Variants in CLCN1 observed in about 807,000 individuals in gnomAD.
CLCN1 encodes chloride channel protein 1.
CLCN1 carries 100 observed loss-of-function variants against 114.5 expected under a neutral mutation model. The ratio of observed to expected loss-of-function variants is 0.87; its 90% CI spans 0.74 to 1.03. The LOEUF (loss-of-function observed/expected upper bound fraction) is 1.03, where lower values mean the gene tolerates loss of function less well. Ranked by LOEUF, CLCN1 falls within the 50% of genes least tolerant of loss-of-function variation. CLCN1 has a pLI of 0.00. For synonymous variants in CLCN1, 485 were observed against 487.1 expected (o/e 1.00, Z 0.06); for missense variants, 1,188 against 1,250.0 (o/e 0.95, Z 0.75).
At chr7:143,327,300 T>C (rs1406704376) in intron 7 of CLCN1, among the ~76,000 whole-genome samples, 1 of 151,704 alleles carries the variant, frequency 6.6e-6, no homozygotes, top group Non-Finnish European at 1.5e-5. Context: ...TGACACACAT[T>C]GGGAATATCC....
Position 143,331,325 on chromosome 7 carries a change from G to A in CLCN1, c.1064+9G>A. 6.3e-7 allele frequency: 1 copy of A among 1,585,218 alleles called. No homozygotes were observed. The highest frequency in any genetic ancestry group is 8.7e-7 in the Non-Finnish European group (1 of 1,153,750). Reference sequence around the variant, plus strand: ...GCTTTTGCTGCCATCGGGTCAGTGGGGTTACCTGCTCTGTGTGTGGTGAGC... The same window carrying A: ...GCTTTTGCTGCCATCGGGTCAGTGGAGTTACCTGCTCTGTGTGTGGTGAGC... On this transcript the variant is annotated intron_variant, in intron 9 of 22. Coordinates refer to ENST00000343257, the MANE Select transcript of CLCN1 (RefSeq NM_000083.3).
At position 143,339,684 on chromosome 7, in the gene CLCN1, C is replaced by T. The variant is rs2116865480; in HGVS notation, c.1582+63C>T. On this transcript the variant is annotated intron_variant, in intron 14 of 22. Coordinates refer to ENST00000343257, the MANE Select transcript of CLCN1 (RefSeq NM_000083.3). This position sits in a 1 kb window ranked among gnomAD's most constrained non-coding sequence, Gnocchi z 4.1. ...AGTACTTCAGATCCCCACACTTAAACTCTCCCATTGGATCTTCATTCTAGG... is the reference window on the plus strand; with the variant it reads ...AGTACTTCAGATCCCCACACTTAAATTCTCCCATTGGATCTTCATTCTAGG... 9.9e-7 allele frequency: 1 copy of T among 1,008,392 alleles called. No individual in the cohort carries two copies. The allele number at this position is 1,008,392 out of a possible 1,614,324, so 62.5% of individuals were successfully genotyped here. A position where few individuals can be genotyped will look rare whatever the true frequency, so the allele number is the denominator to read the frequency against.
At position 143,342,366 on chromosome 7, in the gene CLCN1, C is replaced by G. The variant is rs1174049935; in HGVS notation, c.1797-6C>G. On this transcript the variant is annotated splice_polypyrimidine_tract_variant and splice_region_variant and intron_variant, in intron 15 of 22. Coordinates refer to ENST00000343257, the MANE Select transcript of CLCN1 (RefSeq NM_000083.3). ...GGCTAACCCACCATGCTTTCTCCCT[C>G]CATAGCAAATATACCATCTTTGTTG... is the stretch of plus-strand genomic sequence containing the variant. The G allele has an allele frequency of 6.2e-7, 1 of 1,614,018 alleles. No individual in the cohort carries two copies. Among genetic ancestry groups the G allele is most frequent in the Non-Finnish European group, 8.5e-7 (1 of 1,180,016 alleles).
At chr7:143,337,843 T>A (rs11763950) in intron 12 of CLCN1, among the ~76,000 whole-genome samples, 3 of 96,942 alleles carry the variant, frequency 3.1e-5, no homozygotes, top group East Asian at 6.8e-4. Context: ...TTTTTTTTTT[T>A]TGCGACAGAG....
intron 16 of CLCN1, 142 bp downstream of exon 16, chr7:143,342,647 A>G: frequency 1.2e-6 from 1 of 832,792 alleles, no homozygotes; most frequent in Non-Finnish European, 2.0e-6. Context: ...ATTAAGCCAT[A>G]ACACAAGCAC....
intron 14 of CLCN1, among the ~76,000 whole-genome samples, chr7:143,341,570 AT>A (rs1803074460): frequency 2.8e-5 from 1 of 35,430 alleles, no homozygotes; most frequent in African/African-American, 1.9e-4. Flanking sequence ...AATAATAATA[AT>A]TAATAATAAT....
chr7:143,330,675 A>G, intron 7 of CLCN1, 97 bp from the exon 8 acceptor site: 1 of 1,523,752 alleles, frequency 6.6e-7, no homozygotes, highest in Non-Finnish European at 9.1e-7. Context: ...ACCCAGATTC[A>G]TGTTTCAGCA....
chr7:143,346,551 A>T (rs759665750), intron 18 of CLCN1, 28 bp from the exon 19 acceptor site: 2 of 1,571,656 alleles, frequency 1.3e-6, no homozygotes, highest in Middle Eastern at 1.7e-4. Context: ...CTTTGTGTCC[A>T]TTTCCATCCA....
chr7:143,336,578 G>C (rs1443018240), intron 12 of CLCN1, among the ~76,000 whole-genome samples: 3 of 126,566 alleles, frequency 2.4e-5, no homozygotes, highest in Non-Finnish European at 3.1e-5. Context: ...TTGCACTCCA[G>C]CCTGGGTGAC....
intron 7 of CLCN1, among the ~76,000 whole-genome samples, chr7:143,326,687 G>T (rs1802583803): frequency 6.6e-6 from 1 of 152,178 alleles, no homozygotes; most frequent in Non-Finnish European, 1.5e-5. Flanking sequence ...TCTGGACAGA[G>T]GAAACAGCAT....
Position 143,350,035 on chromosome 7 carries a change from G to A in CLCN1, c.2404-337G>A, listed in dbSNP as rs948932005. On this transcript the variant is annotated intron_variant, in intron 20 of 22. Coordinates refer to ENST00000343257, the MANE Select transcript of CLCN1 (RefSeq NM_000083.3). This position sits in a 1 kb window ranked among gnomAD's most constrained non-coding sequence, Gnocchi z 5.1. The stretch of plus-strand genomic sequence containing the variant: ...CAGTCTGGTTTGATTGGAGCCCCAC[G>A]TCTTATAGTAGTAGTGGAAAATAGA... Among the ~76,000 whole-genome samples the A allele has an allele frequency of 2.0e-5, 3 of 152,138 alleles. No individual in the cohort carries two copies. The highest frequency in any genetic ancestry group is 7.2e-5 in the African/African-American group (3 of 41,434).
chr7:143,342,472 A>G lies in CLCN1; in HGVS notation c.1897A>G (p.Thr633Ala). The change falls in exon 16 of 23, where the codon ACA becomes GCA. Residue 633 changes from threonine to alanine, a missense_variant. Coordinates refer to ENST00000343257, the MANE Select transcript of CLCN1 (RefSeq NM_000083.3). ...GTTGCGAACCCTGCTCCAGACCACCACAGTCAAGACTTTACCACTGGTTGA... is the reference window on the plus strand; with the variant it reads ...GTTGCGAACCCTGCTCCAGACCACCGCAGTCAAGACTTTACCACTGGTTGA... The part of the protein sequence containing the change: ...GELRTLLQTT[T>A]VKTLPLVDSK... 1 of 1,614,138 alleles carries G rather than the reference A, an allele frequency of 6.2e-7. No homozygotes were observed. The highest frequency in any genetic ancestry group is 8.5e-7 in the Non-Finnish European group (1 of 1,180,028).
In CLCN1 at chr7:143,330,845, C is replaced by T; in HGVS notation, c.927C>T (p.Ala309=). 1 of 1,614,190 alleles carries T rather than the reference C, an allele frequency of 6.2e-7. No individual in the cohort carries two copies. Among genetic ancestry groups the T allele is most frequent in the Non-Finnish European group, 8.5e-7 (1 of 1,180,040 alleles). Residue 309 remains alanine (A), a synonymous_variant, in exon 8 of 23, where the codon GCC becomes GCT. Coordinates refer to ENST00000343257, the MANE Select transcript of CLCN1 (RefSeq NM_000083.3). The stretch of plus-strand genomic sequence containing the variant: ...ACTACTGGAGAGGATTCTTTGCAGC[C>T]ACGTTCAGCGCCTTTGTGTTTCGAG... ...VRNYWRGFFA[A]TFSAFVFRVL... is the part of the protein sequence containing the mutation.
At position 143,352,071 on chromosome 7, in the gene CLCN1, G is replaced by A. The variant is rs919526217; in HGVS notation, c.*106G>A. 1.3e-5 allele frequency: 19 copies of A among 1,426,548 alleles called. No individual in the cohort carries two copies. The highest frequency in any genetic ancestry group is 4.2e-5 in the African/African-American group (3 of 70,890). 88.4% of individuals were successfully genotyped at this position (1,426,548 alleles called of 1,614,324 possible). ...AATGTGGCGAGGTCATGCCAATGTC[G>A]TGGCCTCTTCCAGGAATTTTTTAAT... On this transcript the variant is annotated 3_prime_UTR_variant, in exon 23 of 23. Transcript: ENST00000343257.
rs369579634 is a variant in CLCN1, at chr7:143,319,769, C to T, written c.195C>T (p.His65=). ...NVHPTQIYGH[H]KEQFSDREQD... is the part of the protein sequence containing the mutation. Reference sequence around the variant, plus strand: ...TCTCTGTCCAGATTTATGGCCATCACAAAGAACAATTCTCAGACAGGGAGC... The same window carrying T: ...TCTCTGTCCAGATTTATGGCCATCATAAAGAACAATTCTCAGACAGGGAGC... The change falls in exon 2 of 23, where the codon CAC becomes CAT. Residue 65 remains histidine, a synonymous_variant. Transcript: ENST00000343257. The T allele has an allele frequency of 3.7e-6, 6 of 1,613,808 alleles. No individual in the cohort carries two copies. The highest frequency in any genetic ancestry group is 5.1e-6 in the Non-Finnish European group (6 of 1,179,842).
In CLCN1 at chr7:143,332,406, G is replaced by A. The variant is rs771709105; in HGVS notation, c.1167-13G>A. 1.1e-5 allele frequency: 17 copies of A among 1,610,056 alleles called. No individual in the cohort carries two copies. Among genetic ancestry groups the A allele is most frequent in the Non-Finnish European group, 9.4e-6 (11 of 1,176,298 alleles). On this transcript the variant is annotated splice_polypyrimidine_tract_variant and intron_variant, in intron 10 of 22. Transcript: ENST00000343257. ...TGGCTGAATTGTGGCGGTTAACTCTGTTTCTTTTTCAGCCGCCTGCTGTAT... is the reference window on the plus strand; with the variant it reads ...TGGCTGAATTGTGGCGGTTAACTCTATTTCTTTTTCAGCCGCCTGCTGTAT...
In CLCN1 at chr7:143,323,362, G is replaced by T. The variant is rs754934082; in HGVS notation, c.750G>T (p.Met250Ile). ...SICAAVLSKF[M>I]SVFCGVYEQP... Reference sequence around the variant, plus strand: ...GTGCTGCTGTCCTCAGCAAATTCATGTCTGTGTTCTGCGGGGTATATGAGG... The same window carrying T: ...GTGCTGCTGTCCTCAGCAAATTCATTTCTGTGTTCTGCGGGGTATATGAGG... The change falls in exon 6 of 23, where the codon ATG becomes ATT. Residue 250 changes from methionine (M) to isoleucine (I), a missense_variant. Coordinates refer to ENST00000343257, the MANE Select transcript of CLCN1 (RefSeq NM_000083.3). The T allele has an allele frequency of 2.4e-5, 39 of 1,613,544 alleles. No homozygotes were observed. The South Asian group carries it at 4.1e-4, about 17-fold the overall frequency.
chr7:143,336,315 A>G (rs1802887599), intron 12 of CLCN1, among the ~76,000 whole-genome samples: 1 of 144,272 alleles, frequency 6.9e-6, no homozygotes. Flanking sequence ...GTAGTTCTGT[A>G]GGTCTAGATC....
chr7:143,330,906 G>A lies in CLCN1; in HGVS notation c.979+9G>A, dbSNP rs1429891413. ...GTGGAACAAGGATGCTGGTAACCAA[G>A]GAGGCCTTGGGTGGAGGCCATGTGA... is the stretch of plus-strand genomic sequence containing the variant. On this transcript the variant is annotated intron_variant, in intron 8 of 22. Transcript: ENST00000343257. 1.9e-6 allele frequency: 3 copies of A among 1,614,078 alleles called. No homozygotes were observed. Among genetic ancestry groups the A allele is most frequent in the East Asian group, 2.2e-5 (1 of 44,894 alleles).
Sources: allele counts gnomAD v4.1 joint callset (sites outside exome capture counted in the v4.1 genomes callset), GRCh38; gene constraint gnomAD v4.1.1; non-coding constraint Gnocchi (gnomAD v3.1); transcripts MANE v1.5; gene names NCBI Gene and HGNC (gene_info 2026-07-23, HGNC 2026-07-21).